The following CLNK variants were observed in gnomAD, a reference collection of about 807,000 sequenced individuals.
CLNK encodes cytokine-dependent hematopoietic cell linker.
Under a neutral mutation model 68.6 loss-of-function variants are expected in CLNK, and 74 were observed. That is an observed-to-expected ratio of 1.08 (90% CI 0.89 to 1.31). The LOEUF is 1.31. CLNK is among the 50% of genes most tolerant of loss of function. The probability of loss-of-function intolerance (pLI) is 0.00; values close to 1 mark genes in which losing one functional copy is unlikely to be tolerated. For synonymous variants in CLNK, 198 were observed against 172.2 expected (o/e 1.15, Z -1.17); for missense variants, 553 against 515.3 (o/e 1.07, Z -0.71).
intron 1 of CLNK, among the ~76,000 whole-genome samples, chr4:10,675,233 A>T (rs1410791716): frequency 6.6e-6 from 1 of 152,222 alleles, no homozygotes; most frequent in Non-Finnish European, 1.5e-5. Context: ...GGTTCTGCAG[A>T]TGAAAGTATC....
In CLNK at chr4:10,659,288, C is replaced by T. The variant is rs1217282079; in HGVS notation, c.11+8571G>A. ...AGCAACCTGATTCAATTGGCTACAGCGCCTATGGCATGCTCCCTATGTACC... is the reference window on the plus strand; with the variant it reads ...AGCAACCTGATTCAATTGGCTACAGTGCCTATGGCATGCTCCCTATGTACC... On this transcript the variant is annotated intron_variant, in intron 2 of 18. Transcript: ENST00000226951. Among the ~76,000 whole-genome samples the T allele has an allele frequency of 2.0e-5, 3 of 152,222 alleles. 1 individual carries two copies. Among genetic ancestry groups the T allele is most frequent in the South Asian group, 4.1e-4 (2 of 4,824 alleles).
chr4:10,494,010 C>T (rs542763750), intron 18 of CLNK, among the ~76,000 whole-genome samples: 1 of 152,336 alleles, frequency 6.6e-6, no homozygotes, highest in South Asian at 2.1e-4. Flanking sequence ...TTAACTCCTC[C>T]CTTCTAGCTT....
chr4:10,695,939 T>C, the CLNK span, among the ~76,000 whole-genome samples: 12 of 151,612 alleles, frequency 7.9e-5, no homozygotes, highest in African/African-American at 2.9e-4. Flanking sequence ...CACTGCAACC[T>C]CTGCCTCCCG....
At chr4:10,565,963 G>C (rs763886391) in intron 6 of CLNK, 46 bp downstream of exon 6, 2 of 1,592,096 alleles carry the variant, frequency 1.3e-6, no homozygotes, top group South Asian at 1.1e-5. Flanking sequence ...CAATATGGTG[G>C]CATGTACATG....
intron 2 of CLNK, among the ~76,000 whole-genome samples, chr4:10,616,181 T>C (rs1252588950): frequency 1.3e-5 from 2 of 152,244 alleles, no homozygotes; most frequent in African/African-American, 4.8e-5. Flanking sequence ...ATGGTGGAAA[T>C]ATGCTGCTGT....
chr4:10,510,449 A>T (rs1047036501), intron 16 of CLNK, among the ~76,000 whole-genome samples: 166 of 152,248 alleles, frequency 1.1e-3, no homozygotes, highest in Non-Finnish European at 2.0e-3. Flanking sequence ...ATGACTTTTT[A>T]AAAAAATTAG....
At chr4:10,681,937 C>T (rs186510332) in intron 1 of CLNK, among the ~76,000 whole-genome samples, 178 of 152,240 alleles carry the variant, frequency 1.2e-3, no homozygotes, top group Admixed American at 4.3e-3. Flanking sequence ...AAATGATGAG[C>T]GTTTCTTGTC....
At chr4:10,580,768 GAGTAAAAA>G (rs1720748075) in intron 4 of CLNK, among the ~76,000 whole-genome samples, 1 of 152,306 alleles carries the variant, frequency 6.6e-6, no homozygotes, top group African/African-American at 2.4e-5. Context: ...TATTAGGAAA[GAGTAAAAA>G]AGTCAGAAAA....
intron 4 of CLNK, among the ~76,000 whole-genome samples, chr4:10,574,024 G>C (rs546966688): frequency 1.3e-5 from 2 of 152,174 alleles, no homozygotes; most frequent in Non-Finnish European, 2.9e-5. Context: ...GAATAGGCAG[G>C]ATCTGATTAC....
intron 2 of CLNK, among the ~76,000 whole-genome samples, chr4:10,655,334 C>CAGAAAGAGAG: frequency 7.4e-6 from 1 of 135,410 alleles, no homozygotes; most frequent in South Asian, 2.5e-4. Flanking sequence ...CCCCCAAAGA[C>CAGAAAGAGAG]AGAGAGAGAG....
At chr4:10,534,828 T>C (rs1718677990) in intron 11 of CLNK, among the ~76,000 whole-genome samples, 1 of 152,154 alleles carries the variant, frequency 6.6e-6, no homozygotes, top group African/African-American at 2.4e-5. Flanking sequence ...TTTCCCCCAA[T>C]AGCAACAACT....
intron 1 of CLNK, among the ~76,000 whole-genome samples, chr4:10,678,724 C>T (rs973209590): frequency 6.6e-6 from 1 of 152,090 alleles, no homozygotes; most frequent in Non-Finnish European, 1.5e-5. Flanking sequence ...CATTCTTATA[C>T]ACCAATAACA....
At chr4:10,699,494 C>CTATATATA in the CLNK span, among the ~76,000 whole-genome samples, 14 of 56,974 alleles carry the variant, frequency 2.5e-4, no homozygotes, top group African/African-American at 9.1e-4. Flanking sequence ...CTCTCTCTCT[C>CTATATATA]TATATATATA....
At chr4:10,564,895 C>A in intron 6 of CLNK, 118 bp from the exon 7 acceptor site, 1 of 685,344 alleles carries the variant, frequency 1.5e-6, no homozygotes, top group South Asian at 1.7e-5. Flanking sequence ...TAAGAGCAAG[C>A]AATTCTGCTT....
At chr4:10,501,614 T>C (rs1418194754) in intron 17 of CLNK, among the ~76,000 whole-genome samples, 3 of 152,190 alleles carry the variant, frequency 2.0e-5, no homozygotes, top group African/African-American at 7.2e-5. Flanking sequence ...AGTTGGATCT[T>C]GACACTCTCT....
intron 17 of CLNK, among the ~76,000 whole-genome samples, chr4:10,507,432 C>G (rs1257860267): frequency 7.0e-6 from 1 of 141,944 alleles, no homozygotes; most frequent in East Asian, 2.1e-4. Context: ...TTTTTGTTTT[C>G]TGTTTTTATT....
rs1279589059 is a variant in CLNK, at chr4:10,514,258, T to C, written c.773-661A>G. Among the ~76,000 whole-genome samples, 67 of 148,770 alleles carry C rather than the reference T, an allele frequency of 4.5e-4. 1 individual carries two copies. Among genetic ancestry groups the C allele is most frequent in the Non-Finnish European group, 7.8e-4 (52 of 66,922 alleles). On this transcript the variant is annotated intron_variant, in intron 15 of 18. Coordinates refer to ENST00000226951, the MANE Select transcript of CLNK (RefSeq NM_052964.4). ...CACATTTTCTTAATCCAGTCTATCA[T>C]TGTTGGACATTTGGGTTGGTTCCAA...
At chr4:10,655,334 C>CAGAGAGAGAGAGAGAGAGAGAGAGAT (rs1723931087) in intron 2 of CLNK, among the ~76,000 whole-genome samples, 1 of 135,326 alleles carries the variant, frequency 7.4e-6, no homozygotes, top group Admixed American at 8.1e-5. Flanking sequence ...CCCCCAAAGA[C>CAGAGAGAGAGAGAGAGAGAGAGAGAT]AGAGAGAGAG....
chr4:10,590,944 C>T (rs968470337), intron 3 of CLNK, among the ~76,000 whole-genome samples: 3 of 152,126 alleles, frequency 2.0e-5, no homozygotes, highest in East Asian at 1.9e-4. Flanking sequence ...ACACCATAAA[C>T]GAACCCTTTA....
Sources: gnomAD v4.1 joint callset for allele counts (sites outside exome capture counted in the v4.1 genomes callset) on GRCh38, gnomAD v4.1.1 for gene constraint, MANE v1.5 for transcripts, NCBI Gene and HGNC (gene_info 2026-07-23, HGNC 2026-07-21) for gene names.